Variants in ZNF215 observed in about 807,000 individuals in gnomAD.
ZNF215 encodes BWSCR2-associated zinc finger protein 2.
In ZNF215, 24 loss-of-function variants were observed where a neutral mutation model predicts 27.2. The observed-to-expected ratio is 0.88, with a 90% CI of 0.64 to 1.24. ZNF215 has a LOEUF of 1.24. ZNF215 is among the 50% of genes most tolerant of loss of function. The pLI is 0.00. For synonymous variants in ZNF215, 210 were observed against 204.0 expected (o/e 1.03, Z -0.25); for missense variants, 675 against 605.7 (o/e 1.11, Z -1.20).
At chr11:6,933,614 C>G (rs182938032) in intron 3 of ZNF215, among the ~76,000 whole-genome samples, 1 of 151,672 alleles carries the variant, frequency 6.6e-6, no homozygotes, top group Non-Finnish European at 1.5e-5. Context: ...GGTGAAACCC[C>G]GTCTCTACTA....
intron 5 of ZNF215, among the ~76,000 whole-genome samples, chr11:6,975,951 T>C (rs1850826419): frequency 6.6e-6 from 1 of 152,140 alleles, no homozygotes; most frequent in Admixed American, 6.6e-5. Flanking sequence ...GCTGTACTAA[T>C]TTACATTCCC....
At chr11:6,929,957 A>G (rs1849192332) in intron 2 of ZNF215, among the ~76,000 whole-genome samples, 1 of 152,194 alleles carries the variant, frequency 6.6e-6, no homozygotes, top group Admixed American at 6.5e-5. Context: ...TGCCATTTAT[A>G]TCACTGCCTT....
chr11:6,963,748 C>G (rs1434160593), intron 5 of ZNF215, among the ~76,000 whole-genome samples: 1 of 152,004 alleles, frequency 6.6e-6, no homozygotes, highest in African/African-American at 2.4e-5. Flanking sequence ...GGCATTCTGA[C>G]CATAATGGAT....
intron 3 of ZNF215, 114 bp from the exon 4 acceptor site, chr11:6,941,457 T>G (rs1007765759): frequency 1.2e-6 from 1 of 868,782 alleles, no homozygotes; most frequent in African/African-American, 1.7e-5. Context: ...GACATTATTT[T>G]TTTCAAAGTT....
intron 5 of ZNF215, among the ~76,000 whole-genome samples, chr11:6,965,913 A>G (rs1850609473): frequency 6.6e-6 from 1 of 152,176 alleles, no homozygotes; most frequent in Admixed American, 6.6e-5. Flanking sequence ...GATTAGACTA[A>G]TGCTGGTATA....
At position 6,941,445 on chromosome 11, in the gene ZNF215, C is replaced by T. The variant is rs73401504; in HGVS notation, c.401-126C>T. The T allele has an allele frequency of 2.1e-3, 1,538 of 731,880 alleles. 14 individuals carry two copies. Among genetic ancestry groups the T allele is most frequent in the African/African-American group, 0.021 (1,171 of 56,312 alleles). The allele number at this position is 731,880 out of a possible 1,614,324, so 45.3% of individuals were successfully genotyped here. On this transcript the variant is annotated intron_variant, in intron 3 of 6. Coordinates refer to ENST00000278319, the MANE Select transcript of ZNF215 (RefSeq NM_013250.4). ...TGAAGATTGTGATTGCTGGCAGGGC[C>T]TGACATTATTTTTTTCAAAGTTCTA...
intron 5 of ZNF215, among the ~76,000 whole-genome samples, chr11:6,977,007 G>T (rs766340440): frequency 3.3e-5 from 5 of 152,002 alleles, no homozygotes; most frequent in Admixed American, 1.3e-4. Flanking sequence ...TCCTGGGCTT[G>T]TGGCTACATC....
chr11:6,955,568 C>A, intron 6 of ZNF215, 122 bp from the exon 7 acceptor site: 1 of 1,030,670 alleles, frequency 9.7e-7, no homozygotes, highest in Non-Finnish European at 1.3e-6. Flanking sequence ...TCTAACCTTG[C>A]CTCACATTTC....
At chr11:6,964,032 G>A (rs1382233682) in intron 5 of ZNF215, among the ~76,000 whole-genome samples, 7 of 151,972 alleles carry the variant, frequency 4.6e-5, no homozygotes, top group African/African-American at 1.7e-4. Context: ...TAATAAGTAT[G>A]TAATAGTACC....
chr11:6,954,145 C>G (rs570557656), intron 6 of ZNF215, among the ~76,000 whole-genome samples: 4 of 152,164 alleles, frequency 2.6e-5, no homozygotes, highest in Non-Finnish European at 4.4e-5. Context: ...TCTGCCCCTA[C>G]TGGGGAGTGC....
At chr11:6,992,870 C>A (rs774205066), downstream of ZNF215, among the ~76,000 whole-genome samples, 3 of 151,162 alleles carry the variant, frequency 2.0e-5, no homozygotes, top group Non-Finnish European at 2.9e-5. Context: ...CATCGTAAAA[C>A]CAGCAAGGCA....
At chr11:6,987,263 CACAGAA>C (rs1333529253), downstream of ZNF215, among the ~76,000 whole-genome samples, 2 of 152,198 alleles carry the variant, frequency 1.3e-5, no homozygotes, top group Admixed American at 1.3e-4. Flanking sequence ...AGCAAAATAA[CACAGAA>C]ACAGAAAACC....
chr11:6,957,048 T>A lies in ZNF215; in HGVS notation c.*517T>A, dbSNP rs1850387643. ...CAACAGTAACAGCCATTTACTCCAC[T>A]CCTGACAATACCCTTTGTTGTCTTG... On this transcript the variant is annotated 3_prime_UTR_variant, in exon 7 of 7. Coordinates refer to ENST00000278319, the MANE Select transcript of ZNF215 (RefSeq NM_013250.4). 3.0e-6 allele frequency: 3 copies of A among 986,218 alleles called. No individual in the cohort carries two copies. The Admixed American group carries it at 1.8e-4, about 60-fold the overall frequency. 61.1% of individuals were successfully genotyped at this position (986,218 alleles called of 1,614,324 possible). A position where few individuals can be genotyped will look rare whatever the true frequency, so the allele number is the denominator to read the frequency against.
At chr11:6,971,019 T>G (rs572382114) in intron 5 of ZNF215, among the ~76,000 whole-genome samples, 76 of 151,816 alleles carry the variant, frequency 5.0e-4, no homozygotes, top group Non-Finnish European at 1.0e-3. Context: ...GATGACAGAG[T>G]GCAGACATCC....
chr11:6,948,921 C>T (rs1285694617), intron 6 of ZNF215, among the ~76,000 whole-genome samples: 2 of 122,190 alleles, frequency 1.6e-5, no homozygotes. Flanking sequence ...CACAACAGTC[C>T]CAGAGTGTGA....
chr11:6,955,376 A>G (rs1850287946), intron 6 of ZNF215, among the ~76,000 whole-genome samples: 1 of 152,222 alleles, frequency 6.6e-6, no homozygotes, highest in Non-Finnish European at 1.5e-5. Flanking sequence ...TTCATACACT[A>G]GTTACGAACC....
chr11:6,975,416 G>T (rs968513493), intron 5 of ZNF215, among the ~76,000 whole-genome samples: 3 of 151,878 alleles, frequency 2.0e-5, no homozygotes, highest in African/African-American at 7.3e-5. Flanking sequence ...ATTTTTAAAT[G>T]TACAATTACT....
rs569325655 is a variant in ZNF215, at chr11:6,957,437, C to T, written c.*906C>T. 3.1e-5 allele frequency: 5 copies of T among 161,448 alleles called. No homozygotes were observed. Among genetic ancestry groups the T allele is most frequent in the African/African-American group, 1.2e-4 (5 of 41,736 alleles). 10.0% of individuals were successfully genotyped at this position (161,448 alleles called of 1,614,324 possible). A position where few individuals can be genotyped will look rare whatever the true frequency, so the allele number is the denominator to read the frequency against. On this transcript the variant is annotated 3_prime_UTR_variant, in exon 7 of 7. Transcript: ENST00000278319. ...ATCAGGGTTTGTTCCCACCATTGCC[C>T]TGAGCTGCTAGGATGCGCTCTGTCC...
At chr11:6,954,533 C>T (rs953405900) in intron 6 of ZNF215, among the ~76,000 whole-genome samples, 2 of 152,140 alleles carry the variant, frequency 1.3e-5, no homozygotes, top group African/African-American at 2.4e-5. Flanking sequence ...GTGTAGGACC[C>T]GAGCCAGGTG....
Sources: gnomAD v4.1 joint callset for allele counts (sites outside exome capture counted in the v4.1 genomes callset) on GRCh38, gnomAD v4.1.1 for gene constraint, MANE v1.5 for transcripts, NCBI Gene and HGNC (gene_info 2026-07-23, HGNC 2026-07-21) for gene names.